Variants in GRID2 observed in about 807,000 individuals in gnomAD.
GRID2 encodes the protein glutamate ionotropic receptor delta type subunit 2.
GRID2 carries 33 observed loss-of-function variants against 114.8 expected under a neutral mutation model. The observed-to-expected ratio is 0.29, with a 90% CI of 0.22 to 0.38. The LOEUF is 0.38. Among genes scored for constraint, GRID2 ranks in the 10% least tolerant of loss-of-function variants. The pLI is 1.00. For synonymous variants in GRID2, 505 were observed against 449.9 expected (o/e 1.12, Z -1.55); for missense variants, 1,184 against 1,257.7 (o/e 0.94, Z 0.89).
At chr4:93,587,637 T>A (rs1039919297) in intron 13 of GRID2, among the ~76,000 whole-genome samples, 9 of 152,146 alleles carry the variant, frequency 5.9e-5, no homozygotes, top group African/African-American at 2.2e-4. Context: ...TCTTCAATAT[T>A]TCTTGTACTT....
intron 2 of GRID2, among the ~76,000 whole-genome samples, chr4:92,939,013 C>G (rs925113450): frequency 6.8e-6 from 1 of 146,394 alleles, no homozygotes; most frequent in East Asian, 2.2e-4. Flanking sequence ...TGAATAGTGC[C>G]GCAATAAACA....
At chr4:92,838,030 A>G (rs1742589247) in intron 2 of GRID2, among the ~76,000 whole-genome samples, 1 of 152,086 alleles carries the variant, frequency 6.6e-6, no homozygotes, top group Non-Finnish European at 1.5e-5. Context: ...TTATGAACCT[A>G]AACTCATCTA....
intron 13 of GRID2, among the ~76,000 whole-genome samples, chr4:93,544,004 C>T (rs1171155220): frequency 6.6e-6 from 1 of 152,110 alleles, no homozygotes; most frequent in Non-Finnish European, 1.5e-5. Context: ...GAATATTTGG[C>T]TCTGGATTAA....
chr4:92,596,548 T>C (rs1197783187), intron 2 of GRID2, among the ~76,000 whole-genome samples: 1 of 152,078 alleles, frequency 6.6e-6, no homozygotes, highest in Non-Finnish European at 1.5e-5. Context: ...GTATTACTTT[T>C]TCTCCTTGCC....
intron 1 of GRID2, among the ~76,000 whole-genome samples, chr4:92,474,621 T>A (rs1289209413): frequency 2.6e-5 from 4 of 152,118 alleles, no homozygotes; most frequent in Admixed American, 6.6e-5. Flanking sequence ...TGGTATCAAT[T>A]ACATTCTCAC....
chr4:93,463,905 C>T (rs974038312), intron 11 of GRID2, among the ~76,000 whole-genome samples: 70 of 152,194 alleles, frequency 4.6e-4, no homozygotes, highest in Admixed American at 9.2e-4. Flanking sequence ...AGGAGAATGG[C>T]GTGAACCTGG....
In GRID2 at chr4:92,936,106, C is replaced by G. The variant is rs1054120663; in HGVS notation, c.245-148889C>G. On this transcript the variant is annotated intron_variant, in intron 2 of 15. Transcript: ENST00000282020. Reference sequence around the variant, plus strand: ...AAAATGTTTATATTGAAATGTTAAACAAAAGAAATGCACTTTTAAAATTAT... The same window carrying G: ...AAAATGTTTATATTGAAATGTTAAAGAAAAGAAATGCACTTTTAAAATTAT... 4.1e-5 allele frequency among the ~76,000 whole-genome samples: 6 copies of G among 146,284 alleles called. 2 individuals carry two copies. Among genetic ancestry groups the G allele is most frequent in the Non-Finnish European group, 9.1e-5 (6 of 66,090 alleles).
At chr4:92,328,869 A>G (rs1726731178) in intron 1 of GRID2, among the ~76,000 whole-genome samples, 6 of 151,968 alleles carry the variant, frequency 3.9e-5, no homozygotes. Flanking sequence ...CTCAATATTA[A>G]TTTCTGTTTT....
At chr4:93,545,412 G>A (rs1043648607) in intron 13 of GRID2, among the ~76,000 whole-genome samples, 1 of 152,144 alleles carries the variant, frequency 6.6e-6, no homozygotes, top group Non-Finnish European at 1.5e-5. Context: ...TCAAGACCCA[G>A]AGACAAGAAT....
intron 13 of GRID2, among the ~76,000 whole-genome samples, chr4:93,615,224 T>G (rs1741485864): frequency 1.3e-5 from 2 of 152,212 alleles, no homozygotes; most frequent in Non-Finnish European, 2.9e-5. Flanking sequence ...TCTACAAGCT[T>G]TCTTTTAAAG....
At chr4:93,216,660 C>G in intron 5 of GRID2, 78 bp from the exon 6 acceptor site, 1 of 895,214 alleles carries the variant, frequency 1.1e-6, no homozygotes, top group Non-Finnish European at 1.8e-6. Flanking sequence ...CTAACATTTA[C>G]AGATAACAAC....
intron 1 of GRID2, among the ~76,000 whole-genome samples, chr4:92,419,209 CTT>C (rs1731768495): frequency 6.6e-6 from 1 of 152,138 alleles, no homozygotes; most frequent in African/African-American, 2.4e-5. Context: ...AAAGCTTACA[CTT>C]CAGTCTTCCA....
At chr4:92,495,079 A>C (rs1354330487) in intron 1 of GRID2, among the ~76,000 whole-genome samples, 1 of 152,020 alleles carries the variant, frequency 6.6e-6, no homozygotes, top group Non-Finnish European at 1.5e-5. Context: ...GTAGTAGAGA[A>C]ATGAAAGCAT....
At chr4:92,646,283 G>T (rs1731618611) in intron 2 of GRID2, among the ~76,000 whole-genome samples, 1 of 152,160 alleles carries the variant, frequency 6.6e-6, no homozygotes, top group Non-Finnish European at 1.5e-5. Context: ...TTTAAAAATT[G>T]AGTTATTTTC....
At chr4:93,754,387 G>A (rs367935489) in intron 14 of GRID2, among the ~76,000 whole-genome samples, 2 of 152,122 alleles carry the variant, frequency 1.3e-5, no homozygotes, top group African/African-American at 2.4e-5. Flanking sequence ...AAGACCATAA[G>A]AGTAATAATA....
At chr4:92,800,477 A>G (rs551543694) in intron 2 of GRID2, among the ~76,000 whole-genome samples, 1 of 152,130 alleles carries the variant, frequency 6.6e-6, no homozygotes, top group East Asian at 1.9e-4. Context: ...GCAAATAGGA[A>G]ATAAAATAGC....
intron 2 of GRID2, among the ~76,000 whole-genome samples, chr4:92,609,463 T>C (rs1035427411): frequency 1.3e-5 from 2 of 151,570 alleles, no homozygotes; most frequent in African/African-American, 2.4e-5. Flanking sequence ...ATACTAGGCA[T>C]AATCATGATG....
At chr4:92,459,662 T>C (rs993803871) in intron 1 of GRID2, among the ~76,000 whole-genome samples, 4 of 152,140 alleles carry the variant, frequency 2.6e-5, no homozygotes, top group African/African-American at 9.7e-5. Context: ...TTTATTCTGT[T>C]GTAATTGAAA....
At chr4:93,763,621 T>C (rs139201484) in intron 14 of GRID2, among the ~76,000 whole-genome samples, 8 of 152,198 alleles carry the variant, frequency 5.3e-5, no homozygotes, top group African/African-American at 1.9e-4. Context: ...AAGGCAGACC[T>C]GAGTTCTAAG....
Sources: allele counts gnomAD v4.1 joint callset (sites outside exome capture counted in the v4.1 genomes callset), GRCh38; gene constraint gnomAD v4.1.1; transcripts MANE v1.5; gene names NCBI Gene and HGNC (gene_info 2026-07-23, HGNC 2026-07-21).